The following GEM variants were observed in gnomAD, a reference collection of about 807,000 sequenced individuals.
GEM encodes the protein GTP binding protein overexpressed in skeletal muscle.
In GEM, 31 loss-of-function variants were observed where a neutral mutation model predicts 33.0. The observed-to-expected ratio is 0.94, with a 90% CI of 0.71 to 1.27. The LOEUF is 1.27. Ranked by LOEUF, GEM falls within the 50% of genes most tolerant of loss-of-function variation. The pLI, the probability that GEM is intolerant of heterozygous loss-of-function variation, is 0.00. For synonymous variants in GEM, 141 were observed against 143.7 expected, an observed-to-expected ratio of 0.98 and a Z score of 0.13; for missense variants, 354 against 390.5, an observed-to-expected ratio of 0.91 and a Z score of 0.79.
rs1808731231 is a variant in GEM at position 94,250,251 on chromosome 8, T to C, written c.*59A>G. The stretch of plus-strand genomic sequence containing the variant: ...TAAGTATTCAATCTAATATAGATTA[T>C]TGGTCCCAATGGCCTTCAACAACGG... On this transcript the variant is annotated 3_prime_UTR_variant, in exon 5 of 5. Transcript: ENST00000297596. The C allele has an allele frequency of 1.5e-6, 2 of 1,338,512 alleles. No individual in the cohort carries two copies. The highest frequency in any genetic ancestry group is 1.5e-5 in the African/African-American group (1 of 68,508). 82.9% of individuals were successfully genotyped at this position (1,338,512 alleles called of 1,614,324 possible). A position where few individuals can be genotyped will look rare whatever the true frequency, so the allele number is the denominator to read the frequency against.
rs1445246949 is a variant in GEM at position 94,250,028 on chromosome 8, A to G, written c.*282T>C. Reference sequence around the variant, plus strand: ...CATTCTTTGTAAGCTTTACTTCTCTACTATCCAAAATAGAAGAAACACATG... The same window carrying G: ...CATTCTTTGTAAGCTTTACTTCTCTGCTATCCAAAATAGAAGAAACACATG... On this transcript the variant is annotated 3_prime_UTR_variant, in exon 5 of 5. Transcript: ENST00000297596. 1 of 370,120 alleles carries G rather than the reference A, an allele frequency of 2.7e-6. No homozygotes were observed. The highest frequency in any genetic ancestry group is 4.8e-6 in the Non-Finnish European group (1 of 208,970). 22.9% of individuals were successfully genotyped at this position (370,120 alleles called of 1,614,324 possible). A position where few individuals can be genotyped will look rare whatever the true frequency, so the allele number is the denominator to read the frequency against.
Position 94,253,022 on chromosome 8 carries a change from C to T in GEM, c.408+14G>A. On this transcript the variant is annotated intron_variant, in intron 3 of 4. Transcript: ENST00000297596. ...AGCCCTAAAGGAATTTAGAGAGCTA[C>T]AGGCTCTGCATACCTTATTTTCCCA... 1 of 1,455,276 alleles carries T rather than the reference C, an allele frequency of 6.9e-7. No homozygotes were observed. Among genetic ancestry groups the T allele is most frequent in the Admixed American group, 1.7e-5 (1 of 59,670 alleles). The allele number at this position is 1,455,276 out of a possible 1,614,324, so 90.1% of individuals were successfully genotyped here. A position where few individuals can be genotyped will look rare whatever the true frequency, so the allele number is the denominator to read the frequency against.
intron 2 of GEM, among the ~76,000 whole-genome samples, chr8:94,254,893 C>T (rs916718720): frequency 3.9e-5 from 6 of 152,202 alleles, no homozygotes; most frequent in Admixed American, 1.3e-4. Flanking sequence ...AACTCTGTCT[C>T]GCCCATCGTG....
At chr8:94,260,626 C>T in intron 1 of GEM, 114 bp from the exon 2 acceptor site, 2 of 643,512 alleles carry the variant, frequency 3.1e-6, no homozygotes, top group South Asian at 2.0e-5. Flanking sequence ...AAGCAAGTAT[C>T]CCTAACATAA....
At chr8:94,256,315 T>G (rs1366577979) in intron 2 of GEM, among the ~76,000 whole-genome samples, 2 of 152,174 alleles carry the variant, frequency 1.3e-5, no homozygotes, top group African/African-American at 4.8e-5. Flanking sequence ...CTTGGCTAAG[T>G]GCCCACTTGT....
intron 2 of GEM, chr8:94,259,904 T>C (rs983573205): frequency 1.8e-5 from 7 of 380,790 alleles, no homozygotes; most frequent in Non-Finnish European, 2.9e-5. Context: ...CCCTCTCTAA[T>C]CAGCCTTCCC....
At chr8:94,258,222 C>T (rs188670300) in intron 2 of GEM, among the ~76,000 whole-genome samples, 11 of 152,204 alleles carry the variant, frequency 7.2e-5, no homozygotes, top group Middle Eastern at 3.4e-3. Flanking sequence ...CAACTCCATT[C>T]TAATGGACAA....
intron 2 of GEM, among the ~76,000 whole-genome samples, chr8:94,254,926 G>A (rs1057409879): frequency 2.0e-5 from 3 of 152,188 alleles, no homozygotes; most frequent in Admixed American, 2.0e-4. Context: ...ATATGCAGAA[G>A]GAATGAGATC....
At chr8:94,261,188 G>A (rs1414438136) in intron 1 of GEM, among the ~76,000 whole-genome samples, 1 of 152,132 alleles carries the variant, frequency 6.6e-6, no homozygotes, top group Non-Finnish European at 1.5e-5. Flanking sequence ...TGCCTCAGCT[G>A]TGCCCTCTTA....
At chr8:94,260,676 A>C in intron 1 of GEM, 164 bp from the exon 2 acceptor site, 1 of 582,030 alleles carries the variant, frequency 1.7e-6, no homozygotes, top group South Asian at 2.2e-5. Context: ...CCAACAAGAC[A>C]GGCTTTCAAC....
chr8:94,253,232 A>G lies in GEM; in HGVS notation c.332-120T>C, dbSNP rs139880288. On this transcript the variant is annotated intron_variant, in intron 2 of 4. Transcript: ENST00000297596. Reference sequence around the variant, plus strand: ...TACTAAATATGCAATTAATTATGTAAGTATACAGATATTTTCAAAGGCAAA... The same window carrying G: ...TACTAAATATGCAATTAATTATGTAGGTATACAGATATTTTCAAAGGCAAA... 1.5e-3 allele frequency: 1,004 copies of G among 657,964 alleles called. 7 individuals carry two copies. The African/African-American group carries it at 0.017, about 11-fold the overall frequency. 40.8% of individuals were successfully genotyped at this position (657,964 alleles called of 1,614,324 possible).
rs747358864 is a variant in GEM at position 94,261,365 on chromosome 8, G to C, written c.-10+725C>G. On this transcript the variant is annotated intron_variant, in intron 1 of 4. Transcript: ENST00000297596. Reference sequence around the variant, plus strand: ...TTAATTCAACTCAGATTCCTTTTTTGAGTCAGGGTCTTGCTCTGTCACCCA... The same window carrying C: ...TTAATTCAACTCAGATTCCTTTTTTCAGTCAGGGTCTTGCTCTGTCACCCA... 3.9e-5 allele frequency among the ~76,000 whole-genome samples: 6 copies of C among 152,010 alleles called. No homozygotes were observed. In the South Asian group the frequency reaches 1.2e-3, roughly 32 times the overall value.
intron 2 of GEM, among the ~76,000 whole-genome samples, chr8:94,257,699 T>C (rs1054004931): frequency 2.0e-5 from 3 of 152,216 alleles, no homozygotes; most frequent in African/African-American, 7.2e-5. Flanking sequence ...CTCTGTGCTA[T>C]ACATTCAGTA....
intron 2 of GEM, among the ~76,000 whole-genome samples, chr8:94,259,068 A>C (rs1162902915): frequency 6.6e-6 from 1 of 151,838 alleles, no homozygotes; most frequent in Admixed American, 6.6e-5. Context: ...TTCTCCCTTT[A>C]CTCTTCTGAG....
Position 94,260,412 on chromosome 8 carries a change from A to G in GEM, c.92T>C (p.Leu31Pro). 3 of 1,613,952 alleles carry G rather than the reference A, an allele frequency of 1.9e-6. No homozygotes were observed. Among genetic ancestry groups the G allele is most frequent in the Non-Finnish European group, 2.5e-6 (3 of 1,179,880 alleles). ...RWSIPADGRH[L>P]MVQKEPHQYS... is the part of the protein sequence containing the mutation. ...CTGGTGGGGCTCTTTCTGGACCATC[A>G]GATGCCTGCCATCAGCTGGGATGCT... is the stretch of plus-strand genomic sequence containing the variant. The change falls in exon 2 of 5, where the codon CTG (leucine) becomes CCG (proline). Residue 31 changes from leucine (L) to proline (P), a missense_variant. Physicochemically the swap from Leu to Pro is moderately conservative, Grantham distance 98. Transcript: ENST00000297596.
At chr8:94,251,143 C>T (rs1808761895) in intron 4 of GEM, among the ~76,000 whole-genome samples, 1 of 152,108 alleles carries the variant, frequency 6.6e-6, no homozygotes, top group Non-Finnish European at 1.5e-5. Flanking sequence ...GCTTAGCTTT[C>T]CTCTCTTTTA....
At chr8:94,253,662 A>T (rs1253193560) in intron 2 of GEM, among the ~76,000 whole-genome samples, 1 of 151,878 alleles carries the variant, frequency 6.6e-6, no homozygotes, top group Non-Finnish European at 1.5e-5. Context: ...TCCTTTTTTT[A>T]AAAAAAATGC....
At position 94,250,253 on chromosome 8, in the gene GEM, G is replaced by T; in HGVS notation, c.*57C>A. The stretch of plus-strand genomic sequence containing the variant: ...AGTATTCAATCTAATATAGATTATT[G>T]GTCCCAATGGCCTTCAACAACGGCC... On this transcript the variant is annotated 3_prime_UTR_variant, in exon 5 of 5. Transcript: ENST00000297596. 2.2e-6 allele frequency: 3 copies of T among 1,345,278 alleles called. No individual in the cohort carries two copies. Among genetic ancestry groups the T allele is most frequent in the Non-Finnish European group, 3.1e-6 (3 of 961,530 alleles). The allele number at this position is 1,345,278 out of a possible 1,614,324, so 83.3% of individuals were successfully genotyped here.
chr8:94,255,365 C>T (rs894093791), intron 2 of GEM, among the ~76,000 whole-genome samples: 3 of 152,202 alleles, frequency 2.0e-5, no homozygotes, highest in Non-Finnish European at 4.4e-5. Context: ...CTGATCTTAC[C>T]TTTGCCTGAA....
Sources: allele counts gnomAD v4.1 joint callset (sites outside exome capture counted in the v4.1 genomes callset), GRCh38; gene constraint gnomAD v4.1.1; transcripts MANE v1.5; gene names NCBI Gene and HGNC (gene_info 2026-07-23, HGNC 2026-07-21).